Variants in PPFIA1 observed in about 807,000 individuals in gnomAD.
The protein encoded by PPFIA1 is liprin-alpha-1.
In PPFIA1, 25 loss-of-function variants were observed where a neutral mutation model predicts 149.9. The ratio of observed to expected loss-of-function variants is 0.17; its 90% confidence interval spans 0.12 to 0.23. PPFIA1 has a LOEUF of 0.23. Among genes scored for constraint, PPFIA1 ranks in the 10% least tolerant of loss-of-function variants. PPFIA1 has a pLI of 1.00. For synonymous variants in PPFIA1, 549 were observed against 552.8 expected, an observed-to-expected ratio of 0.99 and a Z score of 0.10; for missense variants, 1,362 against 1,506.5, an observed-to-expected ratio of 0.90 and a Z score of 1.59.
At chr11:70,353,026 TTTCA>T (rs2056162344) in intron 16 of PPFIA1, among the ~76,000 whole-genome samples, 1 of 152,204 alleles carries the variant, frequency 6.6e-6, no homozygotes, top group Non-Finnish European at 1.5e-5. Flanking sequence ...TTTGAAAGCC[TTTCA>T]TTGTTTTGTG....
At chr11:70,336,782 T>C (rs2055006182) in intron 11 of PPFIA1, among the ~76,000 whole-genome samples, 1 of 152,202 alleles carries the variant, frequency 6.6e-6, no homozygotes, top group Non-Finnish European at 1.5e-5. Flanking sequence ...ATAAAGCCTG[T>C]CCTGACTGTG....
intron 16 of PPFIA1, among the ~76,000 whole-genome samples, chr11:70,350,419 A>C (rs1273258208): frequency 6.6e-6 from 1 of 152,220 alleles, no homozygotes; most frequent in Non-Finnish European, 1.5e-5. Flanking sequence ...TCTTATGTGA[A>C]TCATAGGATG....
At position 70,333,615 on chromosome 11, in the gene PPFIA1, G is replaced by A. The variant is rs900233951; in HGVS notation, c.1296+62G>A. 7 of 1,356,906 alleles carry A rather than the reference G, an allele frequency of 5.2e-6. No individual in the cohort carries two copies. In the African/African-American group the frequency reaches 8.7e-5, roughly 17 times the overall value. 84.1% of individuals were successfully genotyped at this position (1,356,906 alleles called of 1,614,324 possible). ...GGTGCTGCAAGGTCATTGCTCGGCT[G>A]TGGGGAGCTCAGGGCCTCCCACCCC... On this transcript the variant is annotated intron_variant, in intron 10 of 27. Transcript: ENST00000253925.
chr11:70,285,573 G>A (rs1199208253), intron 2 of PPFIA1, among the ~76,000 whole-genome samples: 1 of 151,480 alleles, frequency 6.6e-6, no homozygotes, highest in African/African-American at 2.4e-5. Context: ...CCAGCTACTC[G>A]GGAGTCTGAG....
intron 19 of PPFIA1, among the ~76,000 whole-genome samples, chr11:70,359,764 C>G (rs894955963): frequency 2.0e-5 from 3 of 152,304 alleles, no homozygotes; most frequent in African/African-American, 7.2e-5. Context: ...ATTATATGAC[C>G]TTTTTGCATT....
chr11:70,338,522 C>A, intron 13 of PPFIA1, 69 bp downstream of exon 13: 1 of 1,304,844 alleles, frequency 7.7e-7, no homozygotes, highest in Non-Finnish European at 1.1e-6. Flanking sequence ...GCTATGTGGG[C>A]AGCCTAACTG....
At chr11:70,333,749 A>G (rs1339621769) in intron 10 of PPFIA1, among the ~76,000 whole-genome samples, 196 bp downstream of exon 10, 1 of 152,164 alleles carries the variant, frequency 6.6e-6, no homozygotes, top group East Asian at 1.9e-4. Context: ...AGTTGTTTTC[A>G]GTCAGTATTG....
rs759860414 is a variant in PPFIA1 at position 70,339,168 on chromosome 11, C to T, written c.1572-3C>T. 1.1e-5 allele frequency: 18 copies of T among 1,612,834 alleles called. No homozygotes were observed. The highest frequency in any genetic ancestry group is 1.5e-5 in the Non-Finnish European group (18 of 1,179,832). The stretch of plus-strand genomic sequence containing the variant: ...ATGATCATTCTTATTTTTCATGTTT[C>T]AGCCGACCCCACTTGGGCAGTGTCC... On this transcript the variant is annotated splice_polypyrimidine_tract_variant and splice_region_variant and intron_variant, in intron 13 of 27. Transcript: ENST00000253925.
At chr11:70,328,275 C>T (rs2054444627) in intron 7 of PPFIA1, among the ~76,000 whole-genome samples, 2 of 152,118 alleles carry the variant, frequency 1.3e-5, no homozygotes, top group Admixed American at 6.5e-5. Flanking sequence ...TTGTTCCCCT[C>T]TGTCTGTCCC....
intron 2 of PPFIA1, chr11:70,320,224 CA>C: frequency 6.6e-6 from 1 of 152,268 alleles, no homozygotes; most frequent in Non-Finnish European, 1.5e-5. Flanking sequence ...AGAAACAAAC[CA>C]AAAAGCATAG....
intron 2 of PPFIA1, among the ~76,000 whole-genome samples, chr11:70,290,469 T>C (rs1332311761): frequency 6.6e-6 from 1 of 152,206 alleles, no homozygotes; most frequent in African/African-American, 2.4e-5. Flanking sequence ...GCTAAGGCTT[T>C]GTTGGCGCCT....
In PPFIA1 at chr11:70,383,796, A is replaced by G. The variant is rs1284084121; in HGVS notation, c.*806A>G. The G allele has an allele frequency of 6.6e-6, 1 of 152,406 alleles. No individual in the cohort carries two copies. Among genetic ancestry groups the G allele is most frequent in the Non-Finnish European group, 1.5e-5 (1 of 68,234 alleles). 9.4% of individuals were successfully genotyped at this position (152,406 alleles called of 1,614,324 possible). The stretch of plus-strand genomic sequence containing the variant: ...AGCTGGAGAGACTCGGGATGGGGTA[A>G]CCTGGGGACCAGTCTAGCCCCTGCA... On this transcript the variant is annotated 3_prime_UTR_variant, in exon 28 of 28. Coordinates refer to ENST00000253925, the MANE Select transcript of PPFIA1 (RefSeq NM_003626.5).
intron 2 of PPFIA1, among the ~76,000 whole-genome samples, chr11:70,291,508 C>T (rs2051521000): frequency 6.6e-6 from 1 of 152,142 alleles, no homozygotes; most frequent in Non-Finnish European, 1.5e-5. Flanking sequence ...TTTTCCTCCA[C>T]CATAGATGCT....
At chr11:70,359,113 A>G (rs1339493903) in intron 19 of PPFIA1, among the ~76,000 whole-genome samples, 1 of 152,158 alleles carries the variant, frequency 6.6e-6, no homozygotes, top group Non-Finnish European at 1.5e-5. Flanking sequence ...TTGCAAAATA[A>G]AAGAAGGCCC....
chr11:70,367,627 G>A, intron 21 of PPFIA1: 1 of 454,950 alleles, frequency 2.2e-6, no homozygotes, highest in South Asian at 1.6e-5. Flanking sequence ...CCCAGGAGAA[G>A]AGGTGGGTCT....
At chr11:70,379,774 G>T (rs567732468) in intron 26 of PPFIA1, among the ~76,000 whole-genome samples, 1 of 152,136 alleles carries the variant, frequency 6.6e-6, no homozygotes, top group Non-Finnish European at 1.5e-5. Flanking sequence ...TAAGCTGGAC[G>T]CTTTGGGTGA....
chr11:70,286,754 C>CTTTTTTTTTTTT (rs957912008), intron 2 of PPFIA1, among the ~76,000 whole-genome samples: 5 of 123,988 alleles, frequency 4.0e-5, no homozygotes, highest in Non-Finnish European at 6.8e-5. Context: ...TTCTTTCTTT[C>CTTTTTTTTTTTT]TTTTTTTTTT....
chr11:70,295,240 C>A (rs1396557233), intron 2 of PPFIA1, among the ~76,000 whole-genome samples: 3 of 142,318 alleles, frequency 2.1e-5, no homozygotes, highest in African/African-American at 8.1e-5. Context: ...GGGCTGACCC[C>A]CCCACCTCCC....
intron 2 of PPFIA1, among the ~76,000 whole-genome samples, chr11:70,280,624 C>T (rs1052249269): frequency 2.6e-5 from 4 of 152,146 alleles, no homozygotes; most frequent in Non-Finnish European, 4.4e-5. Context: ...AGTGCAGTGG[C>T]GCGCGTGATC....
Sources: allele counts gnomAD v4.1 joint callset (sites outside exome capture counted in the v4.1 genomes callset), GRCh38; gene constraint gnomAD v4.1.1; transcripts MANE v1.5; gene names NCBI Gene and HGNC (gene_info 2026-07-23, HGNC 2026-07-21).